Variants in ZNF609 observed in about 807,000 individuals in gnomAD.
The protein encoded by ZNF609 is zinc finger protein 609.
ZNF609 carries 11 observed loss-of-function variants against 109.5 expected under a neutral mutation model. That is an observed-to-expected ratio of 0.10 (90% CI 0.06 to 0.17). The LOEUF (loss-of-function observed/expected upper bound fraction) is 0.17. ZNF609 is among the 10% of genes least tolerant of loss of function. The probability of loss-of-function intolerance (pLI) is 1.00; values close to 1 mark genes in which losing one functional copy is unlikely to be tolerated. For missense variants in ZNF609, 1,559 were observed against 1,772.4 expected (o/e 0.88, Z 2.16); for synonymous variants, 646 against 662.0 (o/e 0.98, Z 0.37).
At chr15:64,643,064 T>C (rs1896286668) in intron 3 of ZNF609, among the ~76,000 whole-genome samples, 1 of 152,150 alleles carries the variant, frequency 6.6e-6, no homozygotes, top group African/African-American at 2.4e-5. Flanking sequence ...TCTAATCACA[T>C]GTCAAAGTTA....
rs1362568366 is a variant in ZNF609, at chr15:64,675,538, T to C, written c.2684T>C (p.Phe895Ser). 1.2e-6 allele frequency: 2 copies of C among 1,614,144 alleles called. No individual in the cohort carries two copies. The change falls in exon 5 of 10, where the codon TTT becomes TCT. Residue 895 changes from phenylalanine to serine, a missense_variant. Transcript: ENST00000326648. ...QSKDSPYYQGFESYYSPSYAQ... is the reference protein window; with the variant it reads ...QSKDSPYYQGSESYYSPSYAQ... ...AAAGACTCACCATATTACCAAGGCT[T>C]TGAGAGTTACTATTCTCCAAGTTAT...
At chr15:64,645,428 T>G (rs2140993497) in intron 3 of ZNF609, among the ~76,000 whole-genome samples, 1 of 152,000 alleles carries the variant, frequency 6.6e-6, no homozygotes, top group South Asian at 2.1e-4. Flanking sequence ...AACTGTTTTT[T>G]CCTCTGATTT....
chr15:64,482,042 C>A (rs1368051153), intron 1 of ZNF609, among the ~76,000 whole-genome samples: 1 of 152,164 alleles, frequency 6.6e-6, no homozygotes, highest in Non-Finnish European at 1.5e-5. Context: ...CTTGGCCTCC[C>A]AAGGCTGGGA....
chr15:64,621,789 G>A (rs964759924), intron 2 of ZNF609, among the ~76,000 whole-genome samples: 31 of 141,240 alleles, frequency 2.2e-4, no homozygotes, highest in African/African-American at 7.4e-4. Flanking sequence ...TTTTTGAGAC[G>A]ATCTCAGCTC....
At chr15:64,563,691 G>A (rs1894725302) in intron 2 of ZNF609, among the ~76,000 whole-genome samples, 1 of 151,924 alleles carries the variant, frequency 6.6e-6, no homozygotes, top group African/African-American at 2.4e-5. Context: ...CAGGAGAATA[G>A]CTTGAACCTA....
intron 2 of ZNF609, among the ~76,000 whole-genome samples, chr15:64,587,543 C>G (rs189767956): frequency 6.6e-6 from 1 of 151,882 alleles, no homozygotes; most frequent in African/African-American, 2.4e-5. Context: ...GCATTTGTGG[C>G]GAGACTAGTA....
At chr15:64,475,315 C>G (rs1158986237) in intron 1 of ZNF609, among the ~76,000 whole-genome samples, 2 of 151,720 alleles carry the variant, frequency 1.3e-5, no homozygotes, top group African/African-American at 4.8e-5. Context: ...CCACCTATCT[C>G]CAGAATTGAT....
At chr15:64,479,591 C>G (rs938134285) in intron 1 of ZNF609, among the ~76,000 whole-genome samples, 1 of 151,698 alleles carries the variant, frequency 6.6e-6, no homozygotes, top group Non-Finnish European at 1.5e-5. Flanking sequence ...GCGCCTGGCC[C>G]GTACCTGTGT....
chr15:64,518,034 G>A (rs901468405), intron 2 of ZNF609, among the ~76,000 whole-genome samples: 3 of 152,104 alleles, frequency 2.0e-5, no homozygotes, highest in African/African-American at 7.2e-5. Context: ...CACCCGCCAT[G>A]GCCTCCCAAA....
At chr15:64,636,462 C>G (rs1896177868) in intron 3 of ZNF609, among the ~76,000 whole-genome samples, 1 of 152,190 alleles carries the variant, frequency 6.6e-6, no homozygotes, top group Admixed American at 6.5e-5. Flanking sequence ...CCATTGAACT[C>G]ATAATCAAAT....
intron 2 of ZNF609, among the ~76,000 whole-genome samples, chr15:64,580,714 G>A (rs552673699): frequency 6.6e-6 from 1 of 151,804 alleles, no homozygotes; most frequent in Non-Finnish European, 1.5e-5. Context: ...GCTAATTTTT[G>A]TAGAGATGGG....
intron 2 of ZNF609, among the ~76,000 whole-genome samples, chr15:64,518,858 G>C (rs1214647553): frequency 6.6e-6 from 1 of 151,930 alleles, no homozygotes; most frequent in Non-Finnish European, 1.5e-5. Flanking sequence ...CACTGAAAAG[G>C]GGCAAGTTTG....
intron 2 of ZNF609, among the ~76,000 whole-genome samples, chr15:64,509,949 C>T (rs1893696413): frequency 1.3e-5 from 2 of 152,106 alleles, no homozygotes; most frequent in Non-Finnish European, 1.5e-5. Flanking sequence ...CAACCTTATC[C>T]TTGTTTTTGC....
At chr15:64,590,997 T>G (rs139508672) in intron 2 of ZNF609, among the ~76,000 whole-genome samples, 108 of 152,304 alleles carry the variant, frequency 7.1e-4, no homozygotes, top group African/African-American at 2.5e-3. Flanking sequence ...GAGTTTTCTT[T>G]AAGTTCCAGA....
intron 3 of ZNF609, among the ~76,000 whole-genome samples, chr15:64,625,930 TATATATAGAGAGAGAGAG>T (rs1402649206): frequency 2.1e-4 from 15 of 72,830 alleles, no homozygotes; most frequent in Admixed American, 3.6e-4. Flanking sequence ...TATATATATA[TATATATAGAGAGAGAGAG>T]AGAGAGAGAG....
chr15:64,613,310 G>GA (rs201903755), intron 2 of ZNF609, among the ~76,000 whole-genome samples: 76 of 151,476 alleles, frequency 5.0e-4, no homozygotes, highest in South Asian at 1.3e-3. Context: ...CCCTGTCTCA[G>GA]AAAAAAAACG....
At chr15:64,541,863 AAG>A (rs1894270838) in intron 2 of ZNF609, among the ~76,000 whole-genome samples, 1 of 150,986 alleles carries the variant, frequency 6.6e-6, no homozygotes, top group South Asian at 2.1e-4. Flanking sequence ...AAAAAAAAAA[AAG>A]TAGAATTTCT....
rs561046197 is a variant in ZNF609, at chr15:64,571,013, G to A, written c.748-51814G>A. 2.2e-3 allele frequency among the ~76,000 whole-genome samples: 335 copies of A among 152,302 alleles called. 2 individuals are homozygous for A. The highest frequency in any genetic ancestry group is 4.1e-3 in the Non-Finnish European group (280 of 68,024). On this transcript the variant is annotated intron_variant, in intron 2 of 9. Coordinates refer to ENST00000326648, the MANE Select transcript of ZNF609 (RefSeq NM_015042.2). ...TGCACTCCAGCCGGGGCAACAGAGC[G>A]AGACTCTGTCTCTAAATACATAAAT...
intron 2 of ZNF609, among the ~76,000 whole-genome samples, chr15:64,583,862 A>G (rs937894296): frequency 6.6e-6 from 1 of 152,140 alleles, no homozygotes; most frequent in Non-Finnish European, 1.5e-5. Flanking sequence ...ACCTGATGCC[A>G]CAAATTGCTG....
Sources: gnomAD v4.1 joint callset for allele counts (sites outside exome capture counted in the v4.1 genomes callset) on GRCh38, gnomAD v4.1.1 for gene constraint, MANE v1.5 for transcripts, NCBI Gene and HGNC (gene_info 2026-07-23, HGNC 2026-07-21) for gene names.